SOX5: variants seen among roughly 807,000 people sequenced by gnomAD.
SOX5 encodes the protein SRY-box transcription factor 5, also known as transcription factor SOX-5.
Under a neutral mutation model 92.0 loss-of-function variants are expected in SOX5, and 9 were observed. The ratio of observed to expected loss-of-function variants is 0.10; its 90% CI spans 0.06 to 0.17. The LOEUF is 0.17. Among genes scored for constraint, SOX5 ranks in the 10% least tolerant of loss-of-function variants. The probability of loss-of-function intolerance (pLI) is 1.00; values close to 1 mark genes in which losing one functional copy is unlikely to be tolerated. For missense variants in SOX5, 642 were observed against 944.5 expected (o/e 0.68, Z 4.20); for synonymous variants, 344 against 336.3 (o/e 1.02, Z -0.25).
At chr12:23,783,186 TAA>T (rs944297620) in intron 3 of SOX5, among the ~76,000 whole-genome samples, 6 of 152,196 alleles carry the variant, frequency 3.9e-5, no homozygotes, top group Non-Finnish European at 8.8e-5. Context: ...ATATAAGTTC[TAA>T]AGAGTAAGGA....
intron 3 of SOX5, among the ~76,000 whole-genome samples, chr12:23,773,860 C>G (rs1276836241): frequency 6.6e-6 from 1 of 152,010 alleles, no homozygotes; most frequent in Non-Finnish European, 1.5e-5. Context: ...CTGACATTTG[C>G]AGGTTGCTAA....
intron 6 of SOX5, among the ~76,000 whole-genome samples, chr12:23,688,043 CT>C (rs2087960405): frequency 6.6e-6 from 1 of 151,936 alleles, no homozygotes; most frequent in Non-Finnish European, 1.5e-5. Context: ...ACAGCTGGAC[CT>C]TTGGGTCCCA....
chr12:23,904,442 G>T (rs946226683), intron 1 of SOX5, among the ~76,000 whole-genome samples: 3 of 151,974 alleles, frequency 2.0e-5, no homozygotes, highest in Non-Finnish European at 2.9e-5. Flanking sequence ...TATAGAAAAA[G>T]ACAACATAGA....
At chr12:24,554,739 C>G (rs754077344) in intron 1 of SOX5, among the ~76,000 whole-genome samples, 1 of 152,162 alleles carries the variant, frequency 6.6e-6, no homozygotes, top group East Asian at 1.9e-4. Context: ...AAGTATTGCT[C>G]TCAATCACAA....
At chr12:24,341,268 A>G (rs530491378) in intron 2 of SOX5, among the ~76,000 whole-genome samples, 14 of 152,078 alleles carry the variant, frequency 9.2e-5, no homozygotes, top group South Asian at 8.3e-4. Context: ...CTTGAGCCCA[A>G]TGGTTCAAGA....
At chr12:24,003,223 T>A (rs972001469) in intron 4 of SOX5, among the ~76,000 whole-genome samples, 1 of 152,116 alleles carries the variant, frequency 6.6e-6, no homozygotes, top group African/African-American at 2.4e-5. Flanking sequence ...AAAGACAGAA[T>A]GTTTTTCCCC....
At chr12:24,160,046 A>G (rs1952592535) in intron 4 of SOX5, among the ~76,000 whole-genome samples, 1 of 152,062 alleles carries the variant, frequency 6.6e-6, no homozygotes, top group Admixed American at 6.6e-5. Flanking sequence ...ACTGCCATAT[A>G]GATCACTCCC....
intron 1 of SOX5, among the ~76,000 whole-genome samples, chr12:24,476,032 A>G (rs993923075): frequency 6.6e-6 from 1 of 151,626 alleles, no homozygotes; most frequent in African/African-American, 2.4e-5. Context: ...AGAAAATTTT[A>G]CAATCAACTC....
chr12:24,264,020 T>C (rs538808971), intron 3 of SOX5, among the ~76,000 whole-genome samples: 25 of 152,322 alleles, frequency 1.6e-4, no homozygotes, highest in Admixed American at 1.4e-3. Context: ...TTCTGCCTCA[T>C]AGTCTTCAGG....
chr12:23,640,900 A>G lies in SOX5; in HGVS notation c.932-3T>C. 1 of 1,605,968 alleles carries G rather than the reference A, an allele frequency of 6.2e-7. No homozygotes were observed. The highest frequency in any genetic ancestry group is 1.1e-5 in the South Asian group (1 of 90,236). On this transcript the variant is annotated splice_region_variant and splice_polypyrimidine_tract_variant and intron_variant, in intron 7 of 14. Coordinates refer to ENST00000451604, the MANE Select transcript of SOX5 (RefSeq NM_006940.6). ...CAGCTGAACAGGGTAAGGGTCACCT[A>G]AGTAAGAGAATAATAGAGGCGTCAG...
chr12:23,920,194 A>G (rs1353355160), intron 1 of SOX5: 1 of 152,216 alleles, frequency 6.6e-6, no homozygotes, highest in Admixed American at 6.5e-5. Context: ...CGAAATAGAA[A>G]TTTCCCAATA....
At chr12:24,267,293 T>C (rs1035260630) in intron 3 of SOX5, among the ~76,000 whole-genome samples, 2 of 152,208 alleles carry the variant, frequency 1.3e-5, no homozygotes, top group South Asian at 2.1e-4. Context: ...TCCCTAATTA[T>C]AGTCCAAACA....
At chr12:23,925,252 T>C (rs1244331397) in intron 1 of SOX5, among the ~76,000 whole-genome samples, 1 of 152,154 alleles carries the variant, frequency 6.6e-6, no homozygotes, top group African/African-American at 2.4e-5. Context: ...ATAGTATGTC[T>C]TGATAATTCT....
chr12:24,186,502 T>C (rs1367817914), intron 4 of SOX5, among the ~76,000 whole-genome samples: 2 of 152,102 alleles, frequency 1.3e-5, no homozygotes, highest in African/African-American at 4.8e-5. Flanking sequence ...TAAGGTAAGA[T>C]GAGGGCTTTA....
rs141697820 is a variant in SOX5, at chr12:23,553,707, C to T, written c.1489-7283G>A. On this transcript the variant is annotated intron_variant, in intron 11 of 14. Coordinates refer to ENST00000451604, the MANE Select transcript of SOX5 (RefSeq NM_006940.6). ...TAATGTGAGAAAATCAGGAGGCCAA[C>T]TAAGAAAAATAATACAATTTGCAAC... is the stretch of plus-strand genomic sequence containing the variant. Among the ~76,000 whole-genome samples the T allele has an allele frequency of 2.0e-3, 302 of 152,072 alleles. 1 individual carries two copies. The highest frequency in any genetic ancestry group is 6.9e-3 in the African/African-American group (285 of 41,508).
chr12:24,177,744 C>A (rs1348614120), intron 4 of SOX5, among the ~76,000 whole-genome samples: 1 of 130,420 alleles, frequency 7.7e-6, no homozygotes, highest in Non-Finnish European at 1.7e-5. Context: ...AAATTAATAA[C>A]ACTCACAGGG....
intron 6 of SOX5, among the ~76,000 whole-genome samples, chr12:23,700,753 A>G (rs1489838039): frequency 6.6e-6 from 1 of 152,114 alleles, no homozygotes; most frequent in Non-Finnish European, 1.5e-5. Flanking sequence ...AAATTATTCA[A>G]GCCAAATAAA....
chr12:23,563,011 G>T (rs980690535), intron 11 of SOX5, among the ~76,000 whole-genome samples: 2 of 152,148 alleles, frequency 1.3e-5, no homozygotes, highest in African/African-American at 4.8e-5. Flanking sequence ...TTTAATACAA[G>T]CTGGTGGCGT....
At chr12:23,536,036 C>G (rs1162724741) in intron 14 of SOX5, among the ~76,000 whole-genome samples, 1 of 152,158 alleles carries the variant, frequency 6.6e-6, no homozygotes, top group Non-Finnish European at 1.5e-5. Context: ...TCACTAACCT[C>G]TCTATATTTA....
Sources: allele counts gnomAD v4.1 joint callset (sites outside exome capture counted in the v4.1 genomes callset), GRCh38; gene constraint gnomAD v4.1.1; transcripts MANE v1.5; gene names NCBI Gene and HGNC (gene_info 2026-07-23, HGNC 2026-07-21).